PCDHA11: variants seen among roughly 807,000 people sequenced by gnomAD.
PCDHA11 encodes protocadherin alpha 11, also known as protocadherin alpha-11.
A neutral mutation model predicts 70.3 loss-of-function variants in PCDHA11; 61 were observed. The observed-to-expected ratio is 0.87, with a 90% CI of 0.71 to 1.07. The LOEUF (loss-of-function observed/expected upper bound fraction) is 1.07, where lower values mean the gene tolerates loss of function less well. PCDHA11 is among the 50% of genes least tolerant of loss of function. PCDHA11 has a pLI of 0.00. For missense variants in PCDHA11, 1,324 were observed against 1,237.5 expected (o/e 1.07, Z -1.05); for synonymous variants, 633 against 555.1 (o/e 1.14, Z -1.97).
At chr5:140,882,225 C>T (rs782533520) in intron 1 of PCDHA11, 9 of 1,559,344 alleles carry the variant, frequency 5.8e-6, no homozygotes, top group Middle Eastern at 1.7e-4. Flanking sequence ...TGAGGTAAGG[C>T]GTTGTATATA....
Position 140,870,890 on chromosome 5 carries a change from T to A in PCDHA11, c.1787T>A (p.Val596Glu). 1.2e-6 allele frequency: 2 copies of A among 1,613,954 alleles called. No homozygotes were observed. The highest frequency in any genetic ancestry group is 4.5e-5 in the East Asian group (2 of 44,874). The stretch of plus-strand genomic sequence containing the variant: ...CACGTGGTGGCGAAGGTGCGCGCAG[T>A]GGATGCGGACTCAGGCTACAACGCG... ...AGHVVAKVRAVDADSGYNAWL... is the reference protein window; with the variant it reads ...AGHVVAKVRAEDADSGYNAWL... The change falls in exon 1 of 4, where the codon GTG becomes GAG. Residue 596 changes from valine to glutamate, a missense_variant. Transcript: ENST00000398640.
At chr5:140,874,124 T>C (rs926046559) in intron 1 of PCDHA11, among the ~76,000 whole-genome samples, 1 of 152,266 alleles carries the variant, frequency 6.6e-6, no homozygotes, top group Non-Finnish European at 1.5e-5. Flanking sequence ...TTATAGTTTA[T>C]TTAAGTTATC....
intron 1 of PCDHA11, among the ~76,000 whole-genome samples, chr5:140,947,681 C>T (rs976876831): frequency 3.3e-5 from 5 of 151,572 alleles, no homozygotes; most frequent in Non-Finnish European, 5.9e-5. Context: ...AAAAAATTGT[C>T]TCAGCATGTT....
chr5:140,959,163 C>T (rs246007), intron 1 of PCDHA11, among the ~76,000 whole-genome samples: 85,446 of 151,632 alleles, frequency 0.56, 24,671 homozygotes, highest in African/African-American at 0.69. Context: ...GATTGCTTGA[C>T]CCCAGGAGTT....
intron 1 of PCDHA11, among the ~76,000 whole-genome samples, chr5:140,886,387 T>C (rs1245808319): frequency 2.6e-5 from 4 of 152,234 alleles, no homozygotes; most frequent in African/African-American, 9.6e-5. Flanking sequence ...GCTTATCTAT[T>C]ATCTGCATCA....
At chr5:140,928,508 T>G in intron 1 of PCDHA11, 1 of 1,614,174 alleles carries the variant, frequency 6.2e-7, no homozygotes, top group Non-Finnish European at 8.5e-7. Flanking sequence ...AGTGCAACAG[T>G]GACTATAAAC....
chr5:140,914,724 G>A (rs923867157), intron 1 of PCDHA11, among the ~76,000 whole-genome samples: 1 of 150,732 alleles, frequency 6.6e-6, no homozygotes, highest in Non-Finnish European at 1.5e-5. Flanking sequence ...TTTATTTTTT[G>A]TGTATCCATT....
At chr5:140,917,070 G>A (rs528403297) in intron 1 of PCDHA11, among the ~76,000 whole-genome samples, 14 of 152,102 alleles carry the variant, frequency 9.2e-5, no homozygotes, top group Non-Finnish European at 1.9e-4. Context: ...ACAGCACCGA[G>A]TTTAATGTAA....
At chr5:140,917,940 G>T (rs2078445007) in intron 1 of PCDHA11, among the ~76,000 whole-genome samples, 1 of 151,950 alleles carries the variant, frequency 6.6e-6, no homozygotes, top group African/African-American at 2.4e-5. Flanking sequence ...AATAATATTG[G>T]TAGTTTGATA....
At chr5:140,873,403 G>A (rs2054270816) in intron 1 of PCDHA11, among the ~76,000 whole-genome samples, 1 of 152,046 alleles carries the variant, frequency 6.6e-6, no homozygotes, top group South Asian at 2.1e-4. Flanking sequence ...TTCAGTACAG[G>A]TTAAAATTTT....
intron 3 of PCDHA11, among the ~76,000 whole-genome samples, chr5:140,994,021 G>A (rs1160447092): frequency 6.6e-6 from 1 of 152,140 alleles, no homozygotes; most frequent in Non-Finnish European, 1.5e-5. Context: ...AGGTGATGCA[G>A]ATATAATATT....
At chr5:140,918,036 C>G (rs1423930397) in intron 1 of PCDHA11, among the ~76,000 whole-genome samples, 1 of 152,036 alleles carries the variant, frequency 6.6e-6, no homozygotes, top group Non-Finnish European at 1.5e-5. Flanking sequence ...CGTGGAAGGT[C>G]TTTCCATTTG....
At chr5:140,914,596 C>A (rs1454753124) in intron 1 of PCDHA11, among the ~76,000 whole-genome samples, 1 of 152,128 alleles carries the variant, frequency 6.6e-6, no homozygotes, top group Non-Finnish European at 1.5e-5. Flanking sequence ...TAAGTAGGAA[C>A]TTCCTCCTGC....
intron 1 of PCDHA11, chr5:140,876,989 G>A (rs781957201): frequency 6.2e-7 from 1 of 1,612,664 alleles, no homozygotes. Context: ...GCACTGTCGA[G>A]CTACGTGTCG....
At chr5:140,939,285 T>A (rs2092357056) in intron 1 of PCDHA11, among the ~76,000 whole-genome samples, 1 of 152,108 alleles carries the variant, frequency 6.6e-6, no homozygotes, top group Admixed American at 6.5e-5. Flanking sequence ...GCCCTCGTGA[T>A]CTAATCATCT....
At chr5:140,969,457 T>C (rs1554231852) in intron 1 of PCDHA11, 1 of 1,505,602 alleles carries the variant, frequency 6.6e-7, no homozygotes, top group Admixed American at 2.2e-5. Context: ...TGAGTATATA[T>C]AGTATCCACA....
chr5:140,948,937 T>C (rs1309849094), intron 1 of PCDHA11, among the ~76,000 whole-genome samples: 1 of 134,978 alleles, frequency 7.4e-6, no homozygotes, highest in African/African-American at 2.6e-5. Context: ...ACATTTCTTC[T>C]AATATAAAAA....
chr5:140,885,138 T>C (rs1582817960), intron 1 of PCDHA11, among the ~76,000 whole-genome samples: 1 of 152,206 alleles, frequency 6.6e-6, no homozygotes, highest in Admixed American at 6.5e-5. Context: ...TTTCTTTTTT[T>C]AAACTGTTTT....
chr5:140,969,283 T>A, intron 1 of PCDHA11: 61 of 1,614,200 alleles, frequency 3.8e-5, no homozygotes, highest in Non-Finnish European at 5.2e-5. Flanking sequence ...GTGGTCAGAA[T>A]GCTGGGAACC....
Sources: allele counts gnomAD v4.1 joint callset (sites outside exome capture counted in the v4.1 genomes callset), GRCh38; gene constraint gnomAD v4.1.1; transcripts MANE v1.5; gene names NCBI Gene and HGNC (gene_info 2026-07-23, HGNC 2026-07-21).